Variants in TTC13 observed in about 807,000 individuals in gnomAD.
TTC13 encodes the protein tetratricopeptide repeat protein 13.
TTC13 carries 62 observed loss-of-function variants against 120.0 expected under a neutral mutation model. The observed-to-expected ratio is 0.52, with a 90% CI of 0.42 to 0.64. The LOEUF (loss-of-function observed/expected upper bound fraction) is 0.64. TTC13 is among the 30% of genes least tolerant of loss of function. TTC13 has a pLI of 0.00. For missense variants in TTC13, 824 were observed against 1,050.2 expected, an observed-to-expected ratio of 0.78 and a Z score of 2.98; for synonymous variants, 384 against 393.5, an observed-to-expected ratio of 0.98 and a Z score of 0.28.
At position 230,978,455 on chromosome 1, in the gene TTC13, G is replaced by A. The variant is rs942261506; in HGVS notation, c.271+105C>T. 2.7e-5 allele frequency: 8 copies of A among 294,358 alleles called. No individual in the cohort carries two copies. The highest frequency in any genetic ancestry group is 1.6e-4 in the African/African-American group (7 of 44,858). 18.2% of individuals were successfully genotyped at this position (294,358 alleles called of 1,614,324 possible). A position where few individuals can be genotyped will look rare whatever the true frequency, so the allele number is the denominator to read the frequency against. ...AGCCGGCTCCCGCGGATCGCGCGCC[G>A]CAGCCGGAGGCGTGAGGCCCGGGCG... On this transcript the variant is annotated intron_variant, in intron 1 of 22. Coordinates refer to ENST00000366661, the MANE Select transcript of TTC13 (RefSeq NM_024525.5). The surrounding 1 kb of genome is among the most constrained non-coding windows in gnomAD (Gnocchi z 5.6).
At chr1:230,971,345 CAAAA>C (rs11453211) in intron 1 of TTC13, among the ~76,000 whole-genome samples, 1 of 80,820 alleles carries the variant, frequency 1.2e-5, no homozygotes, top group African/African-American at 4.6e-5. Flanking sequence ...GACTCCATCT[CAAAA>C]AAAAAAAAAA....
rs1674434251 is a variant in TTC13, at chr1:230,940,472, T to C, written c.757A>G (p.Arg253Gly). 1 of 1,613,670 alleles carries C rather than the reference T, an allele frequency of 6.2e-7. No homozygotes were observed. Among genetic ancestry groups the C allele is most frequent in the Non-Finnish European group, 8.5e-7 (1 of 1,179,632 alleles). Reference protein sequence around the residue: ...IQLQPSARLYRHRGTLYFISE... With the variant: ...IQLQPSARLYGHRGTLYFISE... ...ATGAAGTACAGGGTTCCCCGATGTC[T>C]GTACAGCCGTGCTGAGGGCTGCAGT... Residue 253 changes from arginine (R) to glycine (G), a missense_variant, in exon 7 of 23, where the codon AGA becomes GGA. Physicochemically the swap from Arg to Gly is moderately radical, Grantham distance 125 (BLOSUM62 -2). Around this residue, in one of 4 missense-constraint regions of TTC13, gnomAD observed 430 missense variants for 626.8 expected, o/e 0.69. Coordinates refer to ENST00000366661, the MANE Select transcript of TTC13 (RefSeq NM_024525.5). This position sits in a 1 kb window ranked among gnomAD's most constrained non-coding sequence, Gnocchi z 4.1.
At chr1:230,913,979 G>T in intron 18 of TTC13, among the ~76,000 whole-genome samples, 1 of 152,186 alleles carries the variant, frequency 6.6e-6, no homozygotes, top group African/African-American at 2.4e-5. Context: ...GGTATGGAGA[G>T]GGGAGAGATT....
In TTC13 at chr1:230,925,630, T is replaced by C. The variant is rs148710996; in HGVS notation, c.1475A>G (p.Asn492Ser). 5.1e-5 allele frequency: 83 copies of C among 1,614,020 alleles called. No homozygotes were observed. The African/African-American group carries it at 1.0e-3, about 19-fold the overall frequency. ...TACTTCAGGCTTATAACTCTCAAAA[T>C]TCTGATGTAACACATCTCTGGAAGA... The part of the protein sequence containing the change: ...QPHIKDVLHQ[N>S]FESYKPEVQE... The change falls in exon 13 of 23, where the codon AAT becomes AGT. Residue 492 changes from asparagine (N) to serine (S), a missense_variant. By Grantham distance (46) the Asn-to-Ser change is conservative. This residue lies in a region of TTC13 where 430 missense variants were observed against 626.8 expected (regional missense o/e 0.69). Transcript: ENST00000366661.
chr1:230,947,097 G>GA (rs534487589), intron 4 of TTC13, among the ~76,000 whole-genome samples: 3 of 151,806 alleles, frequency 2.0e-5, no homozygotes, highest in Admixed American at 6.6e-5. Context: ...TTTATAATCA[G>GA]AAAAAAGTAT....
intron 3 of TTC13, among the ~76,000 whole-genome samples, chr1:230,957,474 A>G (rs1392372036): frequency 2.0e-5 from 3 of 152,238 alleles, no homozygotes; most frequent in Non-Finnish European, 4.4e-5. Flanking sequence ...ACTTAGTCTT[A>G]ATATCAAACG....
chr1:230,967,718 G>C (rs1029081805), intron 1 of TTC13, among the ~76,000 whole-genome samples: 1 of 151,934 alleles, frequency 6.6e-6, no homozygotes, highest in African/African-American at 2.4e-5. Context: ...TTTGTTCTTC[G>C]ATCTTAAAAT....
chr1:230,931,778 G>A lies in TTC13; in HGVS notation c.1083C>T (p.Leu361=), dbSNP rs1673583147. ...VQTLQLRGMM[L]YHHGSLQEAL... is the part of the protein sequence containing the mutation. ...CTTCCTGTAAGCTGCCGTGGTGGTA[G>A]AGCATCATTCCCCGGAGCTGGAGGG... The change falls in exon 10 of 23, where the codon CTC becomes CTT. Residue 361 remains leucine, a synonymous_variant. Transcript: ENST00000366661. 4 of 1,614,174 alleles carry A rather than the reference G, an allele frequency of 2.5e-6. No individual in the cohort carries two copies. In the African/African-American group the frequency reaches 4.0e-5, roughly 16 times the overall value.
chr1:230,913,192 A>G (rs1375092238), intron 18 of TTC13, among the ~76,000 whole-genome samples: 1 of 152,230 alleles, frequency 6.6e-6, no homozygotes, highest in Admixed American at 6.5e-5. Context: ...ATCAAAACAA[A>G]AAAAAAGTGG....
At chr1:230,965,946 T>C (rs1175763255) in intron 1 of TTC13, among the ~76,000 whole-genome samples, 1 of 152,214 alleles carries the variant, frequency 6.6e-6, no homozygotes, top group Non-Finnish European at 1.5e-5. Flanking sequence ...TCACTGCACC[T>C]GACTTAAATT....
At chr1:230,915,222 T>C (rs1009104535) in intron 18 of TTC13, among the ~76,000 whole-genome samples, 1 of 152,152 alleles carries the variant, frequency 6.6e-6, no homozygotes, top group Non-Finnish European at 1.5e-5. Context: ...AGGAAAAGTA[T>C]GTGAGAAAGC....
At chr1:230,911,153 A>G (rs1671459598) in intron 20 of TTC13, among the ~76,000 whole-genome samples, 1 of 152,236 alleles carries the variant, frequency 6.6e-6, no homozygotes, top group African/African-American at 2.4e-5. Flanking sequence ...AGGTTCAGTA[A>G]GAGGCTGGCA....
chr1:230,906,997 G>A lies in TTC13; in HGVS notation c.2491C>T (p.Leu831Phe). 6.5e-7 allele frequency: 1 copy of A among 1,530,576 alleles called. No homozygotes were observed. The highest frequency in any genetic ancestry group is 8.7e-7 in the Non-Finnish European group (1 of 1,145,760). The allele number at this position is 1,530,576 out of a possible 1,614,324, so 94.8% of individuals were successfully genotyped here. ...LKSISPSYKT[L>F]PSVSETFPTL... ...GGAAACGTTTCTGATACTGATGGAAGAGTCTTATAAGAAGGTGAAATACTG... is the reference window on the plus strand; with the variant it reads ...GGAAACGTTTCTGATACTGATGGAAAAGTCTTATAAGAAGGTGAAATACTG... The change falls in exon 23 of 23, where the codon CTT becomes TTT. Residue 831 changes from leucine (L) to phenylalanine (F), a missense_variant. Around this residue, in one of 4 missense-constraint regions of TTC13, gnomAD observed 226 missense variants for 259.1 expected, o/e 0.87. Coordinates refer to ENST00000366661, the MANE Select transcript of TTC13 (RefSeq NM_024525.5).
chr1:230,974,073 T>A (rs1264152781), intron 1 of TTC13, among the ~76,000 whole-genome samples: 2 of 141,844 alleles, frequency 1.4e-5, no homozygotes, highest in Admixed American at 7.1e-5. Context: ...CGATACTCCA[T>A]CTCAAAAAAA....
At chr1:230,923,798 T>A in intron 15 of TTC13, 43 bp downstream of exon 15, 1 of 1,549,278 alleles carries the variant, frequency 6.5e-7, no homozygotes, top group Non-Finnish European at 8.9e-7. Flanking sequence ...GTCTTGAGAA[T>A]AAACTCCTAG....
chr1:230,949,707 GC>G (rs1269393476), intron 4 of TTC13, among the ~76,000 whole-genome samples: 1 of 151,746 alleles, frequency 6.6e-6, no homozygotes, highest in Non-Finnish European at 1.5e-5. Flanking sequence ...CTGCAGTGGC[GC>G]GATCTTGGCT....
chr1:230,941,659 C>T (rs533316005), intron 6 of TTC13, among the ~76,000 whole-genome samples: 2 of 152,234 alleles, frequency 1.3e-5, no homozygotes, highest in Admixed American at 6.5e-5. Context: ...TCCTACTCTA[C>T]AGAAGTTTAA....
rs758879774 is a variant in TTC13, at chr1:230,925,654, G to A, written c.1458-7C>T. 1 of 1,613,642 alleles carries A rather than the reference G, an allele frequency of 6.2e-7. No individual in the cohort carries two copies. The highest frequency in any genetic ancestry group is 8.5e-7 in the Non-Finnish European group (1 of 1,179,714). On this transcript the variant is annotated splice_polypyrimidine_tract_variant and splice_region_variant and intron_variant, in intron 12 of 22. Coordinates refer to ENST00000366661, the MANE Select transcript of TTC13 (RefSeq NM_024525.5). ...ATTCTGATGTAACACATCTCTGGAAGAAACATCATGTACATGATAAGGACT... is the reference window on the plus strand; with the variant it reads ...ATTCTGATGTAACACATCTCTGGAAAAAACATCATGTACATGATAAGGACT...
rs1676284642 is a variant in TTC13, at chr1:230,958,242, T to C, written c.424A>G (p.Ser142Gly). Reference protein sequence around the residue: ...KRFPFATDNDSTNEELAIAYV... With the variant: ...KRFPFATDNDGTNEELAIAYV... ...GTCTTACCTAACTCTTCATTTGTGC[T>C]GTCATTATCAGTGGCAAACGGGAAT... Residue 142 changes from serine to glycine, a missense_variant, in exon 3 of 23, where the codon AGC becomes GGC. Coordinates refer to ENST00000366661, the MANE Select transcript of TTC13 (RefSeq NM_024525.5). 1.9e-6 allele frequency: 3 copies of C among 1,613,054 alleles called. No homozygotes were observed. The highest frequency in any genetic ancestry group is 1.3e-5 in the African/African-American group (1 of 74,702).
Sources: allele counts gnomAD v4.1 joint callset (sites outside exome capture counted in the v4.1 genomes callset), GRCh38; gene constraint gnomAD v4.1.1; regional missense constraint gnomAD v4.1.1; non-coding constraint Gnocchi (gnomAD v3.1); transcripts MANE v1.5; gene names NCBI Gene and HGNC (gene_info 2026-07-23, HGNC 2026-07-21).